Variants in GRID2 observed in about 807,000 individuals in gnomAD.
GRID2 encodes the protein glutamate ionotropic receptor delta type subunit 2.
In GRID2, 33 loss-of-function variants were observed where a neutral mutation model predicts 114.8. The ratio of observed to expected loss-of-function variants is 0.29; its 90% CI spans 0.22 to 0.38. The LOEUF (loss-of-function observed/expected upper bound fraction) is 0.38. Among genes scored for constraint, GRID2 ranks in the 10% least tolerant of loss-of-function variants. The pLI, the probability that GRID2 is intolerant of heterozygous loss-of-function variation, is 1.00. For missense variants in GRID2, 1,184 were observed against 1,257.7 expected (o/e 0.94, Z 0.89); for synonymous variants, 505 against 449.9 (o/e 1.12, Z -1.55).
At chr4:92,982,126 C>CA (rs1380846221) in intron 2 of GRID2, among the ~76,000 whole-genome samples, 1 of 150,790 alleles carries the variant, frequency 6.6e-6, no homozygotes, top group Non-Finnish European at 1.5e-5. Context: ...CTCCCCTACT[C>CA]AACTTTCTCT....
At chr4:93,044,774 T>A (rs568496040) in intron 2 of GRID2, among the ~76,000 whole-genome samples, 1 of 152,270 alleles carries the variant, frequency 6.6e-6, no homozygotes, top group African/African-American at 2.4e-5. Context: ...TGGAAGAGAT[T>A]ATGGCAACCT....
At chr4:92,641,699 G>T (rs577737330) in intron 2 of GRID2, among the ~76,000 whole-genome samples, 30 of 151,662 alleles carry the variant, frequency 2.0e-4, no homozygotes, top group African/African-American at 5.3e-4. Context: ...AATACAGGGG[G>T]TACATGTGCA....
chr4:92,839,148 T>C (rs541450202), intron 2 of GRID2, among the ~76,000 whole-genome samples: 32 of 152,230 alleles, frequency 2.1e-4, no homozygotes, highest in Non-Finnish European at 4.1e-4. Flanking sequence ...GAAGAACTGC[T>C]CTTTGGTGCT....
intron 4 of GRID2, among the ~76,000 whole-genome samples, chr4:93,206,065 TATA>T (rs960602542): frequency 3.3e-5 from 5 of 151,872 alleles, no homozygotes; most frequent in African/African-American, 1.2e-4. Context: ...AAACTTAAAG[TATA>T]ATAATAATAA....
At chr4:92,573,204 A>G (rs1441092262) in intron 1 of GRID2, among the ~76,000 whole-genome samples, 3 of 151,656 alleles carry the variant, frequency 2.0e-5, no homozygotes, top group Non-Finnish European at 2.9e-5. Flanking sequence ...TTATTTGAAT[A>G]TTATTTCTTT....
chr4:92,531,382 A>G (rs1725348061), intron 1 of GRID2, among the ~76,000 whole-genome samples: 1 of 152,180 alleles, frequency 6.6e-6, no homozygotes, highest in Admixed American at 6.6e-5. Context: ...GTATGACTAG[A>G]AATGTATAAA....
intron 1 of GRID2, among the ~76,000 whole-genome samples, chr4:92,589,010 G>A (rs1728587936): frequency 6.6e-6 from 1 of 152,048 alleles, no homozygotes; most frequent in Non-Finnish European, 1.5e-5. Flanking sequence ...GGAGGCTGAG[G>A]CCGGAGAAGG....
intron 14 of GRID2, among the ~76,000 whole-genome samples, chr4:93,709,839 A>G (rs1728330539): frequency 6.6e-6 from 1 of 151,980 alleles, no homozygotes; most frequent in Non-Finnish European, 1.5e-5. Flanking sequence ...TTTCTTCTTG[A>G]TCAATTCTAC....
At chr4:93,017,800 T>C (rs1292979365) in intron 2 of GRID2, among the ~76,000 whole-genome samples, 1 of 147,234 alleles carries the variant, frequency 6.8e-6, no homozygotes, top group Non-Finnish European at 1.5e-5. Context: ...CAAGGCTCCT[T>C]TTCAAGAAAA....
intron 14 of GRID2, among the ~76,000 whole-genome samples, chr4:93,670,763 C>A (rs1383019452): frequency 1.3e-5 from 2 of 152,100 alleles, no homozygotes; most frequent in Non-Finnish European, 2.9e-5. Flanking sequence ...TGGTTGTTTT[C>A]CACATAGATT....
At chr4:93,102,471 A>C (rs898890801) in intron 3 of GRID2, among the ~76,000 whole-genome samples, 56 of 152,288 alleles carry the variant, frequency 3.7e-4, no homozygotes, top group African/African-American at 1.3e-3. Context: ...GGGATGAATC[A>C]GAGGGTTATT....
chr4:93,689,587 T>C (rs1454986325), intron 14 of GRID2, among the ~76,000 whole-genome samples: 1 of 152,026 alleles, frequency 6.6e-6, no homozygotes, highest in Non-Finnish European at 1.5e-5. Context: ...AATTCATTAA[T>C]TTAGCATTTT....
intron 2 of GRID2, among the ~76,000 whole-genome samples, chr4:92,916,862 T>G (rs2149497493): frequency 6.6e-6 from 1 of 152,308 alleles, no homozygotes; most frequent in South Asian, 2.1e-4. Context: ...TTTATAATCC[T>G]TTGGGTATAT....
intron 11 of GRID2, among the ~76,000 whole-genome samples, chr4:93,471,216 T>G (rs1724767869): frequency 6.6e-6 from 1 of 152,208 alleles, no homozygotes; most frequent in Non-Finnish European, 1.5e-5. Flanking sequence ...TTCCTTCTTT[T>G]GCTTCTGTGC....
At chr4:92,755,502 C>T (rs1211450947) in intron 2 of GRID2, among the ~76,000 whole-genome samples, 1 of 152,088 alleles carries the variant, frequency 6.6e-6, no homozygotes, top group Non-Finnish European at 1.5e-5. Context: ...TGTAAGGAAA[C>T]ATCTCTTTGA....
At chr4:93,002,745 G>A (rs999212269) in intron 2 of GRID2, among the ~76,000 whole-genome samples, 13 of 151,930 alleles carry the variant, frequency 8.6e-5, no homozygotes, top group African/African-American at 3.1e-4. Context: ...TATGATGGCT[G>A]TAACAAATTA....
At chr4:92,738,320 T>C (rs1369166) in intron 2 of GRID2, among the ~76,000 whole-genome samples, 43,046 of 151,972 alleles carry the variant, frequency 0.28, 6,626 homozygotes, top group Middle Eastern at 0.49. Flanking sequence ...ATGGAGATGA[T>C]AGTACTTGTT....
chr4:92,642,636 T>A (rs765582162), intron 2 of GRID2, among the ~76,000 whole-genome samples: 22 of 151,614 alleles, frequency 1.5e-4, no homozygotes, highest in Non-Finnish European at 2.2e-4. Flanking sequence ...TTGTTTTTTT[T>A]AAATGCAGAA....
chr4:92,984,712 A>G (rs1398975223), intron 2 of GRID2, among the ~76,000 whole-genome samples: 1 of 152,136 alleles, frequency 6.6e-6, no homozygotes, highest in Non-Finnish European at 1.5e-5. Flanking sequence ...TTTCTGTTCT[A>G]GAATCTGACA....
Sources: allele counts gnomAD v4.1 joint callset (sites outside exome capture counted in the v4.1 genomes callset), GRCh38; gene constraint gnomAD v4.1.1; transcripts MANE v1.5; gene names NCBI Gene and HGNC (gene_info 2026-07-23, HGNC 2026-07-21).